Variants in ZNF503 observed in about 807,000 individuals in gnomAD.
ZNF503 encodes NocA-like zinc finger 2.
ZNF503 carries 15 observed loss-of-function variants against 34.4 expected under a neutral mutation model. That is an observed-to-expected ratio of 0.44 (90% confidence interval 0.29 to 0.67). The LOEUF (loss-of-function observed/expected upper bound fraction) is 0.67, where lower values mean the gene tolerates loss of function less well. Among genes scored for constraint, ZNF503 ranks in the 30% least tolerant of loss-of-function variants. ZNF503 has a pLI of 0.13. For synonymous variants in ZNF503, 580 were observed against 456.8 expected (o/e 1.27, Z -3.44); for missense variants, 1,007 against 926.8 (o/e 1.09, Z -1.12).
chr10:75,393,845 C>A (rs561209548), downstream of ZNF503, among the ~76,000 whole-genome samples: 4 of 151,140 alleles, frequency 2.6e-5, no homozygotes, highest in Admixed American at 6.6e-5. Context: ...GGTGACAGAG[C>A]GAGACTCTGT....
chr10:75,342,842 G>A, the ZNF503 span, among the ~76,000 whole-genome samples: 50,679 of 152,016 alleles, frequency 0.33, 8,739 homozygotes, highest in South Asian at 0.42. Context: ...CATGTCTCAC[G>A]GTATCCCCAG....
the ZNF503 span, chr10:75,361,551 A>C: frequency 1.6e-4 from 24 of 152,272 alleles, no homozygotes; most frequent in Admixed American, 1.2e-3. Context: ...CAGTATCTCC[A>C]TCAGGATTCT....
At chr10:75,389,931 T>C in the ZNF503 span, among the ~76,000 whole-genome samples, 16,532 of 152,100 alleles carry the variant, frequency 0.11, 2,836 homozygotes, top group African/African-American at 0.37. Context: ...CTCGCTCTGT[T>C]GCCTAGGCTG....
chr10:75,281,838 C>G, the ZNF503 span, among the ~76,000 whole-genome samples: 2 of 152,192 alleles, frequency 1.3e-5, no homozygotes, highest in Admixed American at 6.5e-5. Context: ...TCCCCCTCCC[C>G]CTTAGGGGTG....
chr10:75,313,066 T>C, the ZNF503 span, among the ~76,000 whole-genome samples: 1 of 152,232 alleles, frequency 6.6e-6, no homozygotes, highest in Non-Finnish European at 1.5e-5. Context: ...CATGTGGAAC[T>C]GTGAATCCAT....
At chr10:75,317,264 C>CTTTTTT in the ZNF503 span, among the ~76,000 whole-genome samples, 34 of 74,762 alleles carry the variant, frequency 4.5e-4, 1 homozygote, top group Admixed American at 9.0e-4. Flanking sequence ...CATCCCACGT[C>CTTTTTT]TTTTTTTTTT....
chr10:75,297,399 C>T, the ZNF503 span, among the ~76,000 whole-genome samples: 1 of 152,252 alleles, frequency 6.6e-6, no homozygotes, highest in Non-Finnish European at 1.5e-5. Context: ...TAAGACCTTA[C>T]TGTGTGACAG....
At chr10:75,392,829 AC>A (rs1843659970), downstream of ZNF503, among the ~76,000 whole-genome samples, 1 of 152,214 alleles carries the variant, frequency 6.6e-6, no homozygotes, top group South Asian at 2.1e-4. Context: ...TTTACTAAGA[AC>A]CAGTATGAAC....
Position 75,401,365 on chromosome 10 carries a change from C to CGCA in ZNF503, c.54_55insTGC (p.Gly18_Gly19insCys). 6.5e-7 allele frequency: 1 copy of CGCA among 1,539,574 alleles called. No homozygotes were observed. ...CCGCCGCCTCCGCCTCCGCCGCCGC[C>CGCA]GCCGCCGCTGTGCTTACTGCTTCTT... On this transcript the variant is annotated inframe_insertion, in exon 1 of 2. Transcript: ENST00000372524.
At chr10:75,383,708 C>T in the ZNF503 span, among the ~76,000 whole-genome samples, 5 of 152,202 alleles carry the variant, frequency 3.3e-5, no homozygotes, top group South Asian at 2.1e-4. Context: ...TCCGCCATTT[C>T]ATTTGCTATC....
At chr10:75,341,801 A>G in the ZNF503 span, among the ~76,000 whole-genome samples, 4 of 152,160 alleles carry the variant, frequency 2.6e-5, no homozygotes, top group African/African-American at 4.8e-5. Flanking sequence ...AATGATTTCA[A>G]TTACTAAGTT....
chr10:75,304,202 T>G, the ZNF503 span, among the ~76,000 whole-genome samples: 1 of 152,242 alleles, frequency 6.6e-6, no homozygotes, highest in Non-Finnish European at 1.5e-5. Flanking sequence ...GTTTGTTTTT[T>G]TTGGTCTTTG....
chr10:75,295,944 A>G, the ZNF503 span, among the ~76,000 whole-genome samples: 2 of 152,150 alleles, frequency 1.3e-5, no homozygotes, highest in Non-Finnish European at 2.9e-5. This position sits in a 1 kb window ranked among gnomAD's most constrained non-coding sequence, Gnocchi z 4.0. Context: ...TCCAAAGCTA[A>G]TTTCCTCCCG....
the ZNF503 span, among the ~76,000 whole-genome samples, chr10:75,327,875 T>C: frequency 6.6e-6 from 1 of 152,188 alleles, no homozygotes; most frequent in Non-Finnish European, 1.5e-5. Flanking sequence ...AAAATATACC[T>C]GTTGACCATT....
chr10:75,397,398 C>G (rs1242136293), downstream of ZNF503, among the ~76,000 whole-genome samples: 1 of 152,196 alleles, frequency 6.6e-6, no homozygotes, highest in Non-Finnish European at 1.5e-5. Flanking sequence ...TGCCCCAGCG[C>G]GCTGCCCCAC....
the ZNF503 span, among the ~76,000 whole-genome samples, chr10:75,332,890 T>G: frequency 7.9e-6 from 1 of 127,134 alleles, no homozygotes; most frequent in African/African-American, 3.1e-5. Flanking sequence ...TACACAGACA[T>G]GGCAACCATC....
At chr10:75,284,380 G>A in the ZNF503 span, among the ~76,000 whole-genome samples, 2 of 151,858 alleles carry the variant, frequency 1.3e-5, no homozygotes, top group Non-Finnish European at 2.9e-5. Context: ...GGCGGGGAGG[G>A]GGCGTTGGTG....
the ZNF503 span, among the ~76,000 whole-genome samples, chr10:75,345,937 G>A: frequency 1.3e-5 from 2 of 152,244 alleles, no homozygotes; most frequent in South Asian, 4.1e-4. Flanking sequence ...TGGAGCACAA[G>A]AGCGTCACTT....
chr10:75,294,150 C>T, the ZNF503 span, among the ~76,000 whole-genome samples: 1 of 152,224 alleles, frequency 6.6e-6, no homozygotes. Flanking sequence ...GGGTGAGAGT[C>T]CATCCCACAT....
Sources: gnomAD v4.1 joint callset for allele counts (sites outside exome capture counted in the v4.1 genomes callset) on GRCh38, gnomAD v4.1.1 for gene constraint, Gnocchi (gnomAD v3.1) non-coding constraint, MANE v1.5 for transcripts, NCBI Gene and HGNC (gene_info 2026-07-23, HGNC 2026-07-21) for gene names.